The following SGCZ variants were observed in gnomAD, a reference collection of about 807,000 sequenced individuals.
SGCZ encodes the protein zeta-sarcoglycan.
Under a neutral mutation model 41.3 loss-of-function variants are expected in SGCZ, and 40 were observed. The observed-to-expected ratio is 0.97, with a 90% CI of 0.75 to 1.26. SGCZ has a LOEUF of 1.26. Among genes scored for constraint, SGCZ ranks in the 50% most tolerant of loss-of-function variants. The pLI is 0.00. For synonymous variants in SGCZ, 206 were observed against 137.5 expected (o/e 1.50, Z -3.49); for missense variants, 552 against 369.8 (o/e 1.49, Z -4.04).
intron 1 of SGCZ, among the ~76,000 whole-genome samples, chr8:15,147,615 C>T (rs754117374): frequency 3.2e-4 from 49 of 152,032 alleles, no homozygotes; most frequent in East Asian, 1.2e-3. Flanking sequence ...AGTGATTTTC[C>T]GCTGAAAGTT....
At chr8:14,791,857 G>A (rs1800966088) in intron 1 of SGCZ, among the ~76,000 whole-genome samples, 1 of 152,136 alleles carries the variant, frequency 6.6e-6, no homozygotes, top group African/African-American at 2.4e-5. Context: ...ATAAACCCAT[G>A]GTCTGCTTTG....
chr8:14,371,581 G>A (rs201230230), intron 2 of SGCZ, among the ~76,000 whole-genome samples: 1 of 151,972 alleles, frequency 6.6e-6, no homozygotes, highest in East Asian at 1.9e-4. Flanking sequence ...TGAACTTTCA[G>A]TCATCTTTCC....
At chr8:14,798,863 T>C (rs980243992) in intron 1 of SGCZ, among the ~76,000 whole-genome samples, 1 of 151,952 alleles carries the variant, frequency 6.6e-6, no homozygotes, top group African/African-American at 2.4e-5. Flanking sequence ...AAATGTGTAG[T>C]AAAAATATGG....
At chr8:14,113,450 A>G (rs1802433390) in intron 5 of SGCZ, among the ~76,000 whole-genome samples, 1 of 152,100 alleles carries the variant, frequency 6.6e-6, no homozygotes, top group Non-Finnish European at 1.5e-5. Flanking sequence ...TACATTCCTT[A>G]TATGCCATTG....
intron 1 of SGCZ, among the ~76,000 whole-genome samples, chr8:14,573,546 C>T (rs756885131): frequency 2.6e-5 from 4 of 152,134 alleles, no homozygotes; most frequent in Non-Finnish European, 5.9e-5. Context: ...TTCTCCTCAA[C>T]GAAAGAGCTA....
At chr8:14,775,279 C>G (rs930591239) in intron 1 of SGCZ, among the ~76,000 whole-genome samples, 11 of 151,894 alleles carry the variant, frequency 7.2e-5, no homozygotes, top group African/African-American at 2.7e-4. Context: ...AGAACAAAAA[C>G]CATTCAGTAA....
chr8:14,487,500 C>G (rs534928498), intron 2 of SGCZ, among the ~76,000 whole-genome samples: 1 of 152,030 alleles, frequency 6.6e-6, no homozygotes, highest in East Asian at 1.9e-4. Context: ...TATACTGTTC[C>G]TTCCAGATTC....
chr8:14,564,174 G>A (rs542444556), intron 1 of SGCZ, among the ~76,000 whole-genome samples: 27 of 152,184 alleles, frequency 1.8e-4, no homozygotes, highest in South Asian at 1.2e-3. Context: ...AGCATTTGGC[G>A]TGCTGAAATA....
At chr8:14,972,661 A>T (rs928281685) in intron 1 of SGCZ, among the ~76,000 whole-genome samples, 1 of 152,000 alleles carries the variant, frequency 6.6e-6, no homozygotes, top group Non-Finnish European at 1.5e-5. Context: ...TTAACTTTTT[A>T]TATCGTTATT....
chr8:15,005,533 G>A (rs1563429720), intron 1 of SGCZ, among the ~76,000 whole-genome samples: 1 of 149,750 alleles, frequency 6.7e-6, no homozygotes, highest in Non-Finnish European at 1.5e-5. Context: ...GTTTCTCCAT[G>A]TTCGTTAGGC....
chr8:14,135,188 G>T (rs1278669800), intron 5 of SGCZ, among the ~76,000 whole-genome samples: 2 of 151,708 alleles, frequency 1.3e-5, no homozygotes, highest in South Asian at 2.1e-4. Context: ...GCATATAGTG[G>T]GTATTCAGTA....
intron 2 of SGCZ, among the ~76,000 whole-genome samples, chr8:14,539,321 G>C (rs1355920282): frequency 6.6e-6 from 1 of 151,772 alleles, no homozygotes; most frequent in Admixed American, 6.6e-5. Context: ...ACATCCTATT[G>C]CTTCTGTTTG....
intron 2 of SGCZ, among the ~76,000 whole-genome samples, chr8:14,531,870 T>C (rs1803143849): frequency 1.3e-5 from 2 of 152,058 alleles, no homozygotes; most frequent in African/African-American, 4.8e-5. Flanking sequence ...ATTAAATAAG[T>C]TTGATAGCTA....
chr8:14,868,241 A>C (rs1483623496), intron 1 of SGCZ, among the ~76,000 whole-genome samples: 1 of 152,122 alleles, frequency 6.6e-6, no homozygotes, highest in Non-Finnish European at 1.5e-5. Flanking sequence ...TGTTGCCCTC[A>C]TGCAACTCGG....
intron 2 of SGCZ, among the ~76,000 whole-genome samples, chr8:14,376,870 A>G (rs1425762503): frequency 1.7e-4 from 26 of 152,214 alleles, no homozygotes; most frequent in Non-Finnish European, 1.5e-5. Flanking sequence ...ATGCCAGTTA[A>G]ATATTGGAAA....
At chr8:14,938,940 A>G (rs1800175920) in intron 1 of SGCZ, among the ~76,000 whole-genome samples, 1 of 152,048 alleles carries the variant, frequency 6.6e-6, no homozygotes, top group African/African-American at 2.4e-5. Context: ...GGCTAAGGGT[A>G]CTGCATTATT....
At chr8:14,708,574 C>T (rs1809405500) in intron 1 of SGCZ, among the ~76,000 whole-genome samples, 1 of 151,790 alleles carries the variant, frequency 6.6e-6, no homozygotes, top group Non-Finnish European at 1.5e-5. Flanking sequence ...CTGAGCCTGT[C>T]CCTGACCAAC....
intron 4 of SGCZ, among the ~76,000 whole-genome samples, chr8:14,194,645 T>C (rs1029613516): frequency 5.3e-5 from 8 of 152,030 alleles, no homozygotes; most frequent in African/African-American, 1.9e-4. Context: ...GGATCCAAGT[T>C]ACTTTCTCAT....
At chr8:14,427,526 G>T (rs1036970429) in intron 2 of SGCZ, among the ~76,000 whole-genome samples, 1 of 151,962 alleles carries the variant, frequency 6.6e-6, no homozygotes, top group African/African-American at 2.4e-5. Context: ...TTTCCATGAG[G>T]AAACTCTACT....
Sources: gnomAD v4.1 joint callset for allele counts (sites outside exome capture counted in the v4.1 genomes callset) on GRCh38, gnomAD v4.1.1 for gene constraint, MANE v1.5 for transcripts, NCBI Gene and HGNC (gene_info 2026-07-23, HGNC 2026-07-21) for gene names.